TMEM74: variants seen among roughly 807,000 people sequenced by gnomAD.
The protein encoded by TMEM74 is transmembrane protein 74.
In TMEM74, 13 loss-of-function variants were observed where a neutral mutation model predicts 18.1. The ratio of observed to expected loss-of-function variants is 0.72; its 90% CI spans 0.47 to 1.14. The LOEUF (loss-of-function observed/expected upper bound fraction) is 1.14, where lower values mean the gene tolerates loss of function less well. Among genes scored for constraint, TMEM74 ranks in the 50% most tolerant of loss-of-function variants. The probability of loss-of-function intolerance (pLI) is 0.00; values close to 1 mark genes in which losing one functional copy is unlikely to be tolerated. For missense variants in TMEM74, 372 were observed against 375.9 expected (o/e 0.99, Z 0.09); for synonymous variants, 159 against 146.6 (o/e 1.08, Z -0.61).
chr8:108,749,130 T>C (rs139410844), intron 1 of TMEM74, among the ~76,000 whole-genome samples: 2 of 151,812 alleles, frequency 1.3e-5, no homozygotes, highest in African/African-American at 4.8e-5. Context: ...ATTTGGGCTC[T>C]TTTTTGGTTC....
intron 1 of TMEM74, among the ~76,000 whole-genome samples, chr8:108,732,534 A>C (rs534438773): frequency 6.6e-6 from 1 of 152,280 alleles, no homozygotes; most frequent in African/African-American, 2.4e-5. Context: ...GCATTGGTAA[A>C]ATAATAAAGA....
chr8:108,720,061 G>A (rs1813570676), intron 1 of TMEM74, among the ~76,000 whole-genome samples: 1 of 151,612 alleles, frequency 6.6e-6, no homozygotes, highest in Non-Finnish European at 1.5e-5. Flanking sequence ...AACCTCTTTG[G>A]AACTTTAGCT....
intron 1 of TMEM74, among the ~76,000 whole-genome samples, chr8:108,704,566 C>T (rs956260870): frequency 2.0e-5 from 3 of 151,558 alleles, no homozygotes; most frequent in Non-Finnish European, 2.9e-5. Context: ...TCTTATCTTC[C>T]ACTCATTCAT....
chr8:108,653,523 T>C (rs1264902121), intron 2 of TMEM74, among the ~76,000 whole-genome samples: 1 of 152,168 alleles, frequency 6.6e-6, no homozygotes, highest in Non-Finnish European at 1.5e-5. Context: ...TTATATTAAG[T>C]AAAAAAGTTT....
chr8:108,625,936 C>T (rs1204263807), intron 2 of TMEM74, among the ~76,000 whole-genome samples: 2 of 151,958 alleles, frequency 1.3e-5, no homozygotes, highest in Non-Finnish European at 2.9e-5. Flanking sequence ...TTCATATAAA[C>T]TTTATGTATA....
intron 1 of TMEM74, among the ~76,000 whole-genome samples, chr8:108,691,318 G>T (rs1390843453): frequency 6.6e-6 from 1 of 152,164 alleles, no homozygotes; most frequent in Non-Finnish European, 1.5e-5. Flanking sequence ...CACCTAAACC[G>T]GGAGCTTGTG....
chr8:108,708,809 CA>C (rs71564016), intron 1 of TMEM74, among the ~76,000 whole-genome samples: 407 of 17,930 alleles, frequency 0.023, 2 homozygotes, highest in Middle Eastern at 0.042. Flanking sequence ...AACTCAATAG[CA>C]AAAAAAAAAA....
chr8:108,703,320 ATAT>A (rs1166222341), intron 1 of TMEM74, among the ~76,000 whole-genome samples: 3 of 152,198 alleles, frequency 2.0e-5, no homozygotes, highest in African/African-American at 4.8e-5. Context: ...TTCCTTGAGT[ATAT>A]TAAGATGAAG....
intron 2 of TMEM74, among the ~76,000 whole-genome samples, chr8:108,632,197 A>G (rs1812559530): frequency 6.6e-6 from 1 of 151,990 alleles, no homozygotes; most frequent in East Asian, 1.9e-4. Context: ...GGACATGTGA[A>G]TGAATTTTTT....
In TMEM74 at chr8:108,780,819, G is replaced by A. The variant is rs1814296323; in HGVS notation, c.*3362C>T. 6.6e-6 allele frequency among the ~76,000 whole-genome samples: 1 copy of A among 152,142 alleles called. No homozygotes were observed. Among genetic ancestry groups the A allele is most frequent in the South Asian group, 2.1e-4 (1 of 4,828 alleles). ...AAATCACCTACACAGTGGGGAGCAT[G>A]ACGAAAAGCTGTTCTTTATATGAGG... On this transcript the variant is annotated 3_prime_UTR_variant, in exon 2 of 2. Coordinates refer to ENST00000297459, the MANE Select transcript of TMEM74 (RefSeq NM_153015.3).
chr8:108,648,785 G>C (rs1279328160), intron 2 of TMEM74, among the ~76,000 whole-genome samples: 1 of 152,140 alleles, frequency 6.6e-6, no homozygotes, highest in Non-Finnish European at 1.5e-5. Flanking sequence ...ATACAGTCCT[G>C]TGGATATCTT....
At chr8:108,765,768 T>C (rs1814099498) in intron 1 of TMEM74, among the ~76,000 whole-genome samples, 1 of 152,152 alleles carries the variant, frequency 6.6e-6, no homozygotes, top group Non-Finnish European at 1.5e-5. Context: ...TAACAATTTA[T>C]AGAGACAATT....
At chr8:108,678,225 G>A (rs1166735919) in intron 1 of TMEM74, among the ~76,000 whole-genome samples, 1 of 152,102 alleles carries the variant, frequency 6.6e-6, no homozygotes, top group Non-Finnish European at 1.5e-5. Flanking sequence ...GGTGAAAAGT[G>A]CAGATAACAA....
intron 1 of TMEM74, among the ~76,000 whole-genome samples, chr8:108,701,601 T>C (rs145992293): frequency 7.8e-4 from 119 of 152,278 alleles, no homozygotes; most frequent in Non-Finnish European, 1.4e-3. Context: ...ATACCAGCAA[T>C]GAACAACTGT....
chr8:108,720,941 G>A (rs1250662668), intron 1 of TMEM74, among the ~76,000 whole-genome samples: 4 of 151,850 alleles, frequency 2.6e-5, no homozygotes, highest in Non-Finnish European at 4.4e-5. Context: ...GCTAATTTTC[G>A]TACTTTTAGT....
At chr8:108,754,525 T>C (rs80074388) in intron 1 of TMEM74, among the ~76,000 whole-genome samples, 2 of 151,934 alleles carry the variant, frequency 1.3e-5, no homozygotes, top group East Asian at 3.9e-4. Context: ...TATGTTACAT[T>C]ATGTAGGATT....
rs1814311664 is a variant in TMEM74, at chr8:108,781,930, T to C, written c.*2251A>G. Reference sequence around the variant, plus strand: ...ACCTCCTAACACTTGATTCCCAAACTCCTCTTCCTTCATAAACTGAAAATT... The same window carrying C: ...ACCTCCTAACACTTGATTCCCAAACCCCTCTTCCTTCATAAACTGAAAATT... On this transcript the variant is annotated 3_prime_UTR_variant, in exon 2 of 2. Transcript: ENST00000297459. Among the ~76,000 whole-genome samples the C allele has an allele frequency of 6.6e-6, 1 of 152,170 alleles. No homozygotes were observed. Among genetic ancestry groups the C allele is most frequent in the African/African-American group, 2.4e-5 (1 of 41,448 alleles).
intron 1 of TMEM74, among the ~76,000 whole-genome samples, chr8:108,787,091 G>A (rs1056555050): frequency 6.6e-6 from 1 of 152,142 alleles, no homozygotes; most frequent in Admixed American, 6.5e-5. Flanking sequence ...TAAAAGCCCA[G>A]TTAACGACAT....
chr8:108,759,741 A>T (rs2130660587), intron 1 of TMEM74, among the ~76,000 whole-genome samples: 1 of 152,268 alleles, frequency 6.6e-6, no homozygotes. Flanking sequence ...TTAAAGACAG[A>T]TGCTTCTATG....
Sources: gnomAD v4.1 joint callset for allele counts (sites outside exome capture counted in the v4.1 genomes callset) on GRCh38, gnomAD v4.1.1 for gene constraint, MANE v1.5 for transcripts, NCBI Gene and HGNC (gene_info 2026-07-23, HGNC 2026-07-21) for gene names.